The following CREB3L2 variants were observed in gnomAD, a reference collection of about 807,000 sequenced individuals.
CREB3L2 encodes cyclic AMP-responsive element-binding protein 3-like protein 2.
Under a neutral mutation model 57.2 loss-of-function variants are expected in CREB3L2, and 23 were observed. The observed-to-expected ratio is 0.40, with a 90% CI of 0.29 to 0.57. The LOEUF (loss-of-function observed/expected upper bound fraction) is 0.57. Among genes scored for constraint, CREB3L2 ranks in the 20% least tolerant of loss-of-function variants. The pLI, the probability that CREB3L2 is intolerant of heterozygous loss-of-function variation, is 0.42. For synonymous variants in CREB3L2, 268 were observed against 265.1 expected (o/e 1.01, Z -0.11); for missense variants, 628 against 634.7 (o/e 0.99, Z 0.11).
chr7:137,920,284 A>C (rs1800244851), intron 2 of CREB3L2, among the ~76,000 whole-genome samples: 2 of 152,210 alleles, frequency 1.3e-5, no homozygotes, highest in South Asian at 4.1e-4. Context: ...TGCTTGCAGG[A>C]TGGAACTAAT....
At chr7:137,972,043 A>G (rs967268811) in intron 1 of CREB3L2, among the ~76,000 whole-genome samples, 4 of 152,206 alleles carry the variant, frequency 2.6e-5, no homozygotes, top group Non-Finnish European at 5.9e-5. Context: ...AGCTATGTAA[A>G]AGAAGTATTC....
intron 1 of CREB3L2, among the ~76,000 whole-genome samples, chr7:137,932,876 C>A (rs988785968): frequency 1.3e-5 from 2 of 152,192 alleles, no homozygotes; most frequent in Non-Finnish European, 2.9e-5. Context: ...TAGGTCAGTG[C>A]TCAAAGTTTT....
Position 137,879,473 on chromosome 7 carries a change from T to TGAGTGAGGCA in CREB3L2, c.*993_*1002dup. On this transcript the variant is annotated 3_prime_UTR_variant, in exon 12 of 12. Transcript: ENST00000330387. Reference sequence around the variant, plus strand: ...GCTTGTGGCCAGGGAGCCCGGGGCCTGAGTGAGGCATTGTGTCATCTCTCG... The same window carrying TGAGTGAGGCA: ...GCTTGTGGCCAGGGAGCCCGGGGCCTGAGTGAGGCAGAGTGAGGCATTGTGTCATCTCTCG... 1 of 371,608 alleles carries TGAGTGAGGCA rather than the reference T, an allele frequency of 2.7e-6. No homozygotes were observed. The highest frequency in any genetic ancestry group is 2.9e-5 in the South Asian group (1 of 34,736). The allele number at this position is 371,608 out of a possible 1,614,324, so 23.0% of individuals were successfully genotyped here. A position where few individuals can be genotyped will look rare whatever the true frequency, so the allele number is the denominator to read the frequency against.
chr7:137,925,918 T>G lies in CREB3L2; in HGVS notation c.319+2232A>C, dbSNP rs572837216. 4.6e-5 allele frequency among the ~76,000 whole-genome samples: 7 copies of G among 152,352 alleles called. No individual in the cohort carries two copies. In the South Asian group the frequency reaches 1.2e-3, roughly 27 times the overall value. On this transcript the variant is annotated intron_variant, in intron 2 of 11. Coordinates refer to ENST00000330387, the MANE Select transcript of CREB3L2 (RefSeq NM_194071.4). Reference sequence around the variant, plus strand: ...CCTTTGTAAAATATATCTGACCCACTGTACCTGTTCTCAGCAAATTACCAG... The same window carrying G: ...CCTTTGTAAAATATATCTGACCCACGGTACCTGTTCTCAGCAAATTACCAG...
chr7:137,926,904 T>G (rs535773665), intron 2 of CREB3L2, among the ~76,000 whole-genome samples: 1 of 152,250 alleles, frequency 6.6e-6, no homozygotes, highest in East Asian at 1.9e-4. Context: ...ATCCTAGCAC[T>G]TGGGGACGCT....
At chr7:137,968,633 C>G (rs1289434130) in intron 1 of CREB3L2, among the ~76,000 whole-genome samples, 1 of 152,108 alleles carries the variant, frequency 6.6e-6, no homozygotes, top group African/African-American at 2.4e-5. Flanking sequence ...GGGTTGGTTC[C>G]AAGTCTTTGC....
intron 1 of CREB3L2, among the ~76,000 whole-genome samples, chr7:137,946,717 T>TTA (rs946105939): frequency 4.1e-5 from 6 of 145,416 alleles, no homozygotes; most frequent in African/African-American, 1.5e-4. Context: ...TTATATATAG[T>TTA]TATATATATA....
At chr7:137,961,216 A>G (rs1055984307) in intron 1 of CREB3L2, among the ~76,000 whole-genome samples, 6 of 150,234 alleles carry the variant, frequency 4.0e-5, no homozygotes, top group Non-Finnish European at 8.9e-5. Context: ...GGTGGGGGAC[A>G]TGAGAACATT....
chr7:137,954,248 G>A (rs1178357097), intron 1 of CREB3L2, among the ~76,000 whole-genome samples: 1 of 151,972 alleles, frequency 6.6e-6, no homozygotes, highest in East Asian at 1.9e-4. Flanking sequence ...GGATCTTAGT[G>A]CTTGTTTACA....
At chr7:137,931,130 G>T (rs1800607373) in intron 1 of CREB3L2, among the ~76,000 whole-genome samples, 1 of 151,742 alleles carries the variant, frequency 6.6e-6, no homozygotes, top group Non-Finnish European at 1.5e-5. Context: ...TACTCAGGAG[G>T]GTGAGGAAGG....
chr7:137,936,353 T>C (rs1800785227), intron 1 of CREB3L2, among the ~76,000 whole-genome samples: 1 of 152,178 alleles, frequency 6.6e-6, no homozygotes, highest in Admixed American at 6.5e-5. Context: ...CCAGACCAGT[T>C]AGGGACAGGA....
At chr7:137,904,228 C>T (rs1227247388) in intron 6 of CREB3L2, among the ~76,000 whole-genome samples, 2 of 152,196 alleles carry the variant, frequency 1.3e-5, no homozygotes, top group South Asian at 2.1e-4. Flanking sequence ...AACCAGGCCA[C>T]CAGTAAAATG....
intron 8 of CREB3L2, among the ~76,000 whole-genome samples, chr7:137,894,196 G>A (rs1272880146): frequency 6.6e-6 from 1 of 152,186 alleles, no homozygotes; most frequent in Non-Finnish European, 1.5e-5. Context: ...CAGGTTTACT[G>A]ATTGCTTGCT....
In CREB3L2 at chr7:137,908,234, TGCCC is replaced by T. The variant is rs765004404; in HGVS notation, c.768+14_768+17del. 5.6e-5 allele frequency: 70 copies of T among 1,253,804 alleles called. No homozygotes were observed. The highest frequency in any genetic ancestry group is 6.7e-5 in the Non-Finnish European group (66 of 990,094). 77.7% of individuals were successfully genotyped at this position (1,253,804 alleles called of 1,614,324 possible). A position where few individuals can be genotyped will look rare whatever the true frequency, so the allele number is the denominator to read the frequency against. ...GAGAGGGTTCCCTTTGGTCCAGGAA[TGCCC>T]GCTGCATACTTACATGAGGAGCCGT... On this transcript the variant is annotated intron_variant, in intron 5 of 11. Coordinates refer to ENST00000330387, the MANE Select transcript of CREB3L2 (RefSeq NM_194071.4).
Position 137,885,521 on chromosome 7 carries a change from G to A in CREB3L2, c.1044-19C>T, listed in dbSNP as rs924652095. On this transcript the variant is annotated intron_variant, in intron 8 of 11. Coordinates refer to ENST00000330387, the MANE Select transcript of CREB3L2 (RefSeq NM_194071.4). ...GAGAGTCCTGCCAATGATAACAACA[G>A]CCGTGAGGGGAGTCTGACAGAGAAG... 5 of 1,572,550 alleles carry A rather than the reference G, an allele frequency of 3.2e-6. No individual in the cohort carries two copies. Among genetic ancestry groups the A allele is most frequent in the Non-Finnish European group, 3.5e-6 (4 of 1,142,118 alleles).
rs760201818 is a variant in CREB3L2, at chr7:137,980,383, G to C, written c.102+21221C>G. Among the ~76,000 whole-genome samples, 1 of 152,240 alleles carries C rather than the reference G, an allele frequency of 6.6e-6. No homozygotes were observed. Among genetic ancestry groups the C allele is most frequent in the South Asian group, 2.1e-4 (1 of 4,830 alleles). ...TCTTTGCTCTAGACCGTGGGGATGG[G>C]CAGAGCAGGAGCTTCATTGTTCCAG... On this transcript the variant is annotated intron_variant, in intron 1 of 11. Coordinates refer to ENST00000330387, the MANE Select transcript of CREB3L2 (RefSeq NM_194071.4). The surrounding 1 kb of genome is among the most constrained non-coding windows in gnomAD (Gnocchi z 4.3).
intron 10 of CREB3L2, among the ~76,000 whole-genome samples, chr7:137,883,365 C>T (rs1038976999): frequency 1.3e-5 from 2 of 152,112 alleles, no homozygotes; most frequent in African/African-American, 4.8e-5. Flanking sequence ...AGTAGTCCTC[C>T]CTTATCCATG....
intron 8 of CREB3L2, among the ~76,000 whole-genome samples, chr7:137,898,250 C>A (rs1181101940): frequency 6.6e-6 from 1 of 152,116 alleles, no homozygotes. Context: ...ATAAAAAAGA[C>A]AAGGCGCGAA....
intron 1 of CREB3L2, among the ~76,000 whole-genome samples, chr7:137,937,492 A>G (rs989648792): frequency 3.3e-5 from 5 of 152,186 alleles, no homozygotes; most frequent in Non-Finnish European, 7.3e-5. Context: ...TACCCTGCAC[A>G]CAACACACAG....
Sources: gnomAD v4.1 joint callset for allele counts (sites outside exome capture counted in the v4.1 genomes callset) on GRCh38, gnomAD v4.1.1 for gene constraint, Gnocchi (gnomAD v3.1) non-coding constraint, MANE v1.5 for transcripts, NCBI Gene and HGNC (gene_info 2026-07-23, HGNC 2026-07-21) for gene names.